The following AXIN1 variants were observed in gnomAD, a reference collection of about 807,000 sequenced individuals.
AXIN1 encodes axin-1.
AXIN1 carries 30 observed loss-of-function variants against 76.4 expected under a neutral mutation model. That is an observed-to-expected ratio of 0.39 (90% CI 0.29 to 0.53). The LOEUF (loss-of-function observed/expected upper bound fraction) is 0.53, where lower values mean the gene tolerates loss of function less well. AXIN1 is among the 20% of genes least tolerant of loss of function. The pLI is 0.66. For missense variants in AXIN1, 1,140 were observed against 1,198.8 expected (o/e 0.95, Z 0.72); for synonymous variants, 545 against 501.4 (o/e 1.09, Z -1.16).
intron 7 of AXIN1, among the ~76,000 whole-genome samples, chr16:294,241 C>A (rs1355590761): frequency 6.6e-6 from 1 of 151,710 alleles, no homozygotes; most frequent in East Asian, 1.9e-4. Flanking sequence ...GGGTGGATCG[C>A]CTGAGGTCAG....
At chr16:312,272 C>T (rs1482129289) in intron 3 of AXIN1, among the ~76,000 whole-genome samples, 1 of 152,202 alleles carries the variant, frequency 6.6e-6, no homozygotes, top group Non-Finnish European at 1.5e-5. Context: ...TTCACCTGTC[C>T]ACTTTTTACC....
At chr16:323,429 A>T (rs2053505276) in intron 2 of AXIN1, among the ~76,000 whole-genome samples, 1 of 125,632 alleles carries the variant, frequency 8.0e-6, no homozygotes, top group Admixed American at 8.4e-5. Flanking sequence ...ACAGAGCGAG[A>T]CTCCGTCTCA....
intron 2 of AXIN1, among the ~76,000 whole-genome samples, chr16:323,407 C>T (rs1437367860): frequency 1.4e-5 from 2 of 144,162 alleles, no homozygotes; most frequent in Admixed American, 7.0e-5. Flanking sequence ...CCACTGCACT[C>T]CAGCCTGGGC....
intron 5 of AXIN1, among the ~76,000 whole-genome samples, chr16:301,023 C>A (rs1184314286): frequency 6.6e-6 from 1 of 152,178 alleles, no homozygotes; most frequent in Non-Finnish European, 1.5e-5. Context: ...GTAATCCCAG[C>A]ACTTTGGGAG....
chr16:328,466 C>A (rs1597085095), intron 2 of AXIN1, among the ~76,000 whole-genome samples: 1 of 151,672 alleles, frequency 6.6e-6, no homozygotes, highest in Admixed American at 6.6e-5. Flanking sequence ...GAGGCCGCGG[C>A]GGGCGGATCA....
intron 4 of AXIN1, among the ~76,000 whole-genome samples, chr16:307,849 C>T (rs571588866): frequency 3.5e-4 from 53 of 152,360 alleles, no homozygotes; most frequent in African/African-American, 9.4e-4. Context: ...GGCCTCCCCC[C>T]GCCTCTGCTC....
chr16:304,262 A>G lies in AXIN1; in HGVS notation c.1254+42T>C, dbSNP rs114267990. The G allele has an allele frequency of 3.1e-4, 494 of 1,600,014 alleles. 9 individuals carry two copies. In the South Asian group the frequency reaches 5.1e-3, roughly 17 times the overall value. ...GACATCCCGGCGGCAAGAAAACAGCACGACACCGACGCGGAGCGCGACACC... is the reference window on the plus strand; with the variant it reads ...GACATCCCGGCGGCAAGAAAACAGCGCGACACCGACGCGGAGCGCGACACC... On this transcript the variant is annotated intron_variant, in intron 5 of 10. Coordinates refer to ENST00000262320, the MANE Select transcript of AXIN1 (RefSeq NM_003502.4).
At chr16:304,176 G>T in intron 5 of AXIN1, 128 bp downstream of exon 5, 3 of 1,487,010 alleles carry the variant, frequency 2.0e-6, no homozygotes, top group Admixed American at 3.4e-5. Flanking sequence ...GGACTCAGCC[G>T]GGAGGCCTCA....
chr16:339,524 A>T (rs1385774414), intron 2 of AXIN1, among the ~76,000 whole-genome samples: 4 of 151,290 alleles, frequency 2.6e-5, no homozygotes, highest in African/African-American at 9.7e-5. Flanking sequence ...AAAAAAAAAA[A>T]AAAAAAAATT....
At chr16:291,324 G>T (rs1256560803) in intron 8 of AXIN1, 27 bp from the exon 9 acceptor site, 8 of 1,545,446 alleles carry the variant, frequency 5.2e-6, no homozygotes, top group Middle Eastern at 3.5e-4. Flanking sequence ...GTCAAAGGTG[G>T]CTGTGCCGGC....
intron 3 of AXIN1, among the ~76,000 whole-genome samples, chr16:313,678 A>G (rs903604852): frequency 6.6e-6 from 1 of 152,232 alleles, no homozygotes; most frequent in Non-Finnish European, 1.5e-5. Flanking sequence ...TCTGAGCTTC[A>G]TGGGTAACCA....
At chr16:337,498 A>C (rs1213531775) in intron 2 of AXIN1, among the ~76,000 whole-genome samples, 1 of 84,624 alleles carries the variant, frequency 1.2e-5, no homozygotes. Context: ...GGTCAAAACC[A>C]AAAAAAAAAA....
Position 288,194 on chromosome 16 carries a change from C to T in AXIN1, c.2517G>A (p.Glu839=), listed in dbSNP as rs1013886986. The part of the protein sequence containing the change: ...DEFDCGVVFE[E]VREDEAVLPV... ...GCAGGACGGCCTCGTCCTCTCGAACCTCCTCAAACACCACCCCACAGTCAA... is the reference window on the plus strand; with the variant it reads ...GCAGGACGGCCTCGTCCTCTCGAACTTCCTCAAACACCACCCCACAGTCAA... The change falls in exon 11 of 11, where the codon GAG becomes GAA. Residue 839 remains glutamate (E), a synonymous_variant. Transcript: ENST00000262320. 3 of 1,613,644 alleles carry T rather than the reference C, an allele frequency of 1.9e-6. No individual in the cohort carries two copies. Among genetic ancestry groups the T allele is most frequent in the Non-Finnish European group, 2.5e-6 (3 of 1,180,030 alleles).
intron 5 of AXIN1, among the ~76,000 whole-genome samples, chr16:300,282 G>C (rs1044040291): frequency 3.3e-5 from 5 of 152,146 alleles, no homozygotes; most frequent in Non-Finnish European, 7.4e-5. Flanking sequence ...TCAACCTCCA[G>C]GGGTCAAGCG....
In AXIN1 at chr16:293,507, G is replaced by A. The variant is rs1567261095; in HGVS notation, c.2167C>T (p.Arg723Ter). The change falls in exon 8 of 11, where the codon CGA becomes TGA. Residue 723 changes from arginine (R) to a stop codon, truncating the protein, a stop_gained. Coordinates refer to ENST00000262320, the MANE Select transcript of AXIN1 (RefSeq NM_003502.4). LOFTEE classifies it high-confidence loss of function. This position sits in a 1 kb window ranked among gnomAD's most constrained non-coding sequence, Gnocchi z 4.6. ...RLEEEEKRAS[R>*]APSKQRYVQE... ...CCGTACCTCTGCTTGGAGGGTGCTC[G>A]GCTGGCTCTCTTTTCTTCCTCCTCC... 4.3e-6 allele frequency: 7 copies of A among 1,609,776 alleles called. No homozygotes were observed. Among genetic ancestry groups the A allele is most frequent in the East Asian group, 2.2e-5 (1 of 44,876 alleles).
rs764818271 is a variant in AXIN1, at chr16:289,492, C to T, written c.2410G>A (p.Ala804Thr). The change falls in exon 10 of 11, where the codon GCT (alanine) becomes ACT (threonine). Residue 804 changes from alanine to threonine, a missense_variant. Ala to Thr is a moderately conservative substitution (Grantham distance 58). Coordinates refer to ENST00000262320, the MANE Select transcript of AXIN1 (RefSeq NM_003502.4). ...TCCTTGAACTGGCCCAGGGTGACAG[C>T]GCGGCCCCTCACCAGGGTGCGGTAG... is the stretch of plus-strand genomic sequence containing the variant. ...IPYRTLVRGRAVTLGQFKELL... is the reference protein window; with the variant it reads ...IPYRTLVRGRTVTLGQFKELL... 30 of 1,612,836 alleles carry T rather than the reference C, an allele frequency of 1.9e-5. No homozygotes were observed. Among genetic ancestry groups the T allele is most frequent in the East Asian group, 1.1e-4 (5 of 44,896 alleles).
At chr16:310,195 CACT>C (rs768667099) in intron 3 of AXIN1, 126 bp from the exon 4 acceptor site, 26 of 785,200 alleles carry the variant, frequency 3.3e-5, no homozygotes, top group African/African-American at 1.2e-4. Context: ...GAGCCACCAC[CACT>C]GAGACACGTG....
intron 2 of AXIN1, among the ~76,000 whole-genome samples, chr16:340,425 G>A (rs994360782): frequency 1.3e-5 from 2 of 152,250 alleles, no homozygotes; most frequent in African/African-American, 4.8e-5. Flanking sequence ...CAGCGGCGAG[G>A]AGACTGCGGG....
intron 2 of AXIN1, among the ~76,000 whole-genome samples, chr16:339,693 A>C (rs1057281166): frequency 4.0e-5 from 6 of 151,650 alleles, no homozygotes; most frequent in Non-Finnish European, 7.4e-5. Flanking sequence ...AAAAAAAAAA[A>C]TTCTCTTCAG....
Sources: gnomAD v4.1 joint callset for allele counts (sites outside exome capture counted in the v4.1 genomes callset) on GRCh38, gnomAD v4.1.1 for gene constraint, Gnocchi (gnomAD v3.1) non-coding constraint, MANE v1.5 for transcripts, NCBI Gene and HGNC (gene_info 2026-07-23, HGNC 2026-07-21) for gene names.